The following SS18L2 variants were observed in gnomAD, a reference collection of about 807,000 sequenced individuals.
SS18L2 encodes SS18 like 2.
A neutral mutation model predicts 10.3 loss-of-function variants in SS18L2; 8 were observed. The observed-to-expected ratio is 0.78, with a 90% CI of 0.46 to 1.41. The LOEUF (loss-of-function observed/expected upper bound fraction) is 1.41. Among genes scored for constraint, SS18L2 ranks in the 40% most tolerant of loss-of-function variants. The pLI, the probability that SS18L2 is intolerant of heterozygous loss-of-function variation, is 0.00. For missense variants in SS18L2, 100 were observed against 96.2 expected, an observed-to-expected ratio of 1.04 and a Z score of -0.17; for synonymous variants, 41 against 34.6, an observed-to-expected ratio of 1.19 and a Z score of -0.65.
intron 1 of SS18L2, among the ~76,000 whole-genome samples, chr3:42,584,705 C>G (rs1190752683): frequency 2.0e-5 from 3 of 152,156 alleles, no homozygotes; most frequent in Non-Finnish European, 4.4e-5. Flanking sequence ...GGGATTTATA[C>G]CCTTGTGTAG....
In SS18L2 at chr3:42,594,669, A is replaced by T. The variant is rs1704975366; in HGVS notation, c.*160A>T. 7.0e-6 allele frequency: 4 copies of T among 571,936 alleles called. No individual in the cohort carries two copies. Among genetic ancestry groups the T allele is most frequent in the Non-Finnish European group, 1.2e-5 (4 of 324,970 alleles). 35.4% of individuals were successfully genotyped at this position (571,936 alleles called of 1,614,324 possible). A position where few individuals can be genotyped will look rare whatever the true frequency, so the allele number is the denominator to read the frequency against. ...CTTTCGAAACGTGAAAATGTGAAGA[A>T]AGCTACTAACTTAGCTGTATTCTCA... On this transcript the variant is annotated 3_prime_UTR_variant, in exon 3 of 3. Transcript: ENST00000011691.
upstream of SS18L2, among the ~76,000 whole-genome samples, chr3:42,589,607 G>A (rs1559535711): frequency 6.6e-6 from 1 of 152,206 alleles, no homozygotes; most frequent in Non-Finnish European, 1.5e-5. Flanking sequence ...ATCAGCGGGG[G>A]CATTAGGATC....
intron 1 of SS18L2, 172 bp downstream of exon 1, chr3:42,591,138 G>A (rs1438524056): frequency 2.9e-6 from 2 of 701,436 alleles, no homozygotes; most frequent in Admixed American, 2.2e-5. Context: ...GCCGGGGCAG[G>A]ACCCCGGCAT....
intron 1 of SS18L2, among the ~76,000 whole-genome samples, chr3:42,584,547 C>G (rs954304875): frequency 6.6e-6 from 1 of 152,204 alleles, no homozygotes; most frequent in African/African-American, 2.4e-5. Flanking sequence ...TGAGCCACCA[C>G]GCCTAGCCGG....
Position 42,595,942 on chromosome 3 carries a change from G to A in SS18L2, c.*1433G>A, listed in dbSNP as rs1357078601. Among the ~76,000 whole-genome samples the A allele has an allele frequency of 2.6e-5, 4 of 152,210 alleles. No homozygotes were observed. Among genetic ancestry groups the A allele is most frequent in the Non-Finnish European group, 4.4e-5 (3 of 68,034 alleles). ...TAACGTGGTTGAGAACTGGGCACATGTTAATCTATGTTAGCACTAATGTGC... is the reference window on the plus strand; with the variant it reads ...TAACGTGGTTGAGAACTGGGCACATATTAATCTATGTTAGCACTAATGTGC... On this transcript the variant is annotated 3_prime_UTR_variant, in exon 3 of 3. Coordinates refer to ENST00000011691, the MANE Select transcript of SS18L2 (RefSeq NM_001370300.1).
rs772168494 is a variant in SS18L2 at position 42,594,465 on chromosome 3, A to G, written c.190A>G (p.Ile64Val). 2 of 1,614,064 alleles carry G rather than the reference A, an allele frequency of 1.2e-6. No individual in the cohort carries two copies. Among genetic ancestry groups the G allele is most frequent in the South Asian group, 1.1e-5 (1 of 91,080 alleles). The change falls in exon 3 of 3, where the codon ATT becomes GTT. Residue 64 changes from isoleucine (I) to valine (V), a missense_variant. Transcript: ENST00000011691. The stretch of plus-strand genomic sequence containing the variant: ...TAGAAATCTCATTTATTTGGCTACC[A>G]TTGCAGATGCCAGTCCAACCAGCAC... ...LHRNLIYLAT[I>V]ADASPTSTSK...
upstream of SS18L2, among the ~76,000 whole-genome samples, chr3:42,587,021 A>G (rs1704635473): frequency 2.0e-5 from 3 of 152,130 alleles, no homozygotes; most frequent in South Asian, 6.2e-4. Flanking sequence ...CTTGATCACT[A>G]AGGCCTGCCA....
chr3:42,583,938 C>T (rs1049029849), intron 1 of SS18L2, among the ~76,000 whole-genome samples: 2 of 152,186 alleles, frequency 1.3e-5, no homozygotes, highest in Non-Finnish European at 2.9e-5. Context: ...CGGCTTGGGC[C>T]TTGGACTGGG....
At chr3:42,594,281 G>T in intron 2 of SS18L2, 141 bp from the exon 3 acceptor site, 3 of 641,150 alleles carry the variant, frequency 4.7e-6, no homozygotes. Context: ...CCTTAAATAT[G>T]TTAAACAAGA....
chr3:42,582,036 A>T (rs1026021808), intron 1 of SS18L2: 4 of 152,206 alleles, frequency 2.6e-5, no homozygotes, highest in African/African-American at 9.7e-5. Context: ...GCTAAGCGAC[A>T]CCCGCACCCA....
At chr3:42,585,973 T>C (rs752453735), upstream of SS18L2, among the ~76,000 whole-genome samples, 6 of 151,052 alleles carry the variant, frequency 4.0e-5, no homozygotes, top group Non-Finnish European at 7.4e-5. Context: ...CCCAGGAACC[T>C]CCGTTACTGA....
chr3:42,594,813 T>G lies in SS18L2; in HGVS notation c.*304T>G. The G allele has an allele frequency of 4.9e-6, 1 of 203,442 alleles. No homozygotes were observed. Among genetic ancestry groups the G allele is most frequent in the Non-Finnish European group, 9.9e-6 (1 of 100,668 alleles). 12.6% of individuals were successfully genotyped at this position (203,442 alleles called of 1,614,324 possible). ...ACATCACTGGGATGTTCAAGTCTAC[T>G]TTTTAGTTTCAACCTGAAGAGGAAA... is the stretch of plus-strand genomic sequence containing the variant. On this transcript the variant is annotated 3_prime_UTR_variant, in exon 3 of 3. Transcript: ENST00000011691.
At chr3:42,590,688 G>C (rs1704790300), upstream of SS18L2, 3 of 619,096 alleles carry the variant, frequency 4.8e-6, no homozygotes, top group South Asian at 1.9e-5. Flanking sequence ...TCCAGACTGC[G>C]CAAGCGCAAA....
chr3:42,589,197 AG>A (rs1342787808), upstream of SS18L2, among the ~76,000 whole-genome samples: 1 of 150,088 alleles, frequency 6.7e-6, no homozygotes, highest in African/African-American at 2.5e-5. Flanking sequence ...TGAACCCGGG[AG>A]GCAGAGGTTG....
chr3:42,582,001 TC>T (rs1704406620), intron 1 of SS18L2: 1 of 151,842 alleles, frequency 6.6e-6, no homozygotes, highest in Non-Finnish European at 1.5e-5. Context: ...CCACCCCACC[TC>T]CCCCCTACCC....
intron 2 of SS18L2, among the ~76,000 whole-genome samples, chr3:42,593,426 ATAAAT>A (rs1450535616): frequency 3.3e-5 from 5 of 152,222 alleles, no homozygotes; most frequent in Admixed American, 1.3e-4. Flanking sequence ...CAATAAATAA[ATAAAT>A]TAAAGTATAT....
At position 42,595,289 on chromosome 3, in the gene SS18L2, C is replaced by G. The variant is rs1559538072; in HGVS notation, c.*780C>G. Among the ~76,000 whole-genome samples the G allele has an allele frequency of 6.6e-6, 1 of 152,016 alleles. No individual in the cohort carries two copies. Among genetic ancestry groups the G allele is most frequent in the African/African-American group, 2.4e-5 (1 of 41,384 alleles). ...TCACTTAAAGAATACTTAATAGTTC[C>G]TTTTTTTCTTTATTTGTTGAAATAA... On this transcript the variant is annotated 3_prime_UTR_variant, in exon 3 of 3. Transcript: ENST00000011691.
rs1257404501 is a variant in SS18L2 at position 42,595,356 on chromosome 3, T to C, written c.*847T>C. Among the ~76,000 whole-genome samples, 1 of 152,240 alleles carries C rather than the reference T, an allele frequency of 6.6e-6. No individual in the cohort carries two copies. The highest frequency in any genetic ancestry group is 1.5e-5 in the Non-Finnish European group (1 of 68,038). ...GAATTCTCTCGTGTTCTACATACAG[T>C]TGTATCTCTGTAGTGTTGTTAATTA... On this transcript the variant is annotated 3_prime_UTR_variant, in exon 3 of 3. Coordinates refer to ENST00000011691, the MANE Select transcript of SS18L2 (RefSeq NM_001370300.1).
At chr3:42,590,714 C>A (rs1328096727), upstream of SS18L2, 3 of 675,296 alleles carry the variant, frequency 4.4e-6, no homozygotes, top group East Asian at 7.9e-5. Flanking sequence ...CGAAAACGCC[C>A]CCGGCGTTCT....
Sources: allele counts gnomAD v4.1 joint callset (sites outside exome capture counted in the v4.1 genomes callset), GRCh38; gene constraint gnomAD v4.1.1; transcripts MANE v1.5; gene names NCBI Gene and HGNC (gene_info 2026-07-23, HGNC 2026-07-21).